Variants in CNBD1 observed in about 807,000 individuals in gnomAD.
CNBD1 encodes cyclic nucleotide-binding domain-containing protein 1.
CNBD1 carries 71 observed loss-of-function variants against 54.4 expected under a neutral mutation model. The ratio of observed to expected loss-of-function variants is 1.30; its 90% CI spans 1.08 to 1.59. The LOEUF (loss-of-function observed/expected upper bound fraction) is 1.59. CNBD1 is among the 40% of genes most tolerant of loss of function. CNBD1 has a pLI of 0.00. For missense variants in CNBD1, 659 were observed against 518.0 expected, an observed-to-expected ratio of 1.27 and a Z score of -2.64; for synonymous variants, 182 against 170.7, an observed-to-expected ratio of 1.07 and a Z score of -0.51.
intron 4 of CNBD1, among the ~76,000 whole-genome samples, chr8:86,988,952 TGACTGTTGTGAATA>T (rs1808674515): frequency 6.6e-6 from 1 of 152,132 alleles, no homozygotes; most frequent in Non-Finnish European, 1.5e-5. Flanking sequence ...TTCAAAATCT[TGACTGTTGTGAATA>T]GTGCTGCAAA....
At chr8:87,295,998 C>T (rs1371153725) in intron 8 of CNBD1, among the ~76,000 whole-genome samples, 1 of 152,010 alleles carries the variant, frequency 6.6e-6, no homozygotes, top group Non-Finnish European at 1.5e-5. Context: ...TTATTTATAA[C>T]CAAACTGTTA....
chr8:87,325,306 A>C (rs1394209366), intron 8 of CNBD1, among the ~76,000 whole-genome samples: 2 of 94,056 alleles, frequency 2.1e-5, no homozygotes, highest in East Asian at 4.3e-4. Context: ...AGTTCTGTAG[A>C]TGTCTATTAG....
At chr8:87,098,157 T>A (rs1257193038) in intron 4 of CNBD1, among the ~76,000 whole-genome samples, 1 of 152,212 alleles carries the variant, frequency 6.6e-6, no homozygotes, top group Non-Finnish European at 1.5e-5. Flanking sequence ...AGGCATATGA[T>A]GCTGGAAAGA....
intron 8 of CNBD1, among the ~76,000 whole-genome samples, chr8:87,307,126 A>G (rs34603952): frequency 0.014 from 2,130 of 152,304 alleles, 29 homozygotes; most frequent in Middle Eastern, 0.048. Context: ...AGATCTTTCT[A>G]ACAGATTCGT....
intron 3 of CNBD1, among the ~76,000 whole-genome samples, chr8:86,909,031 C>T (rs1809061608): frequency 1.3e-5 from 2 of 152,280 alleles, no homozygotes; most frequent in African/African-American, 4.8e-5. Flanking sequence ...GCTGGGATTA[C>T]AGGCGTGAGC....
At chr8:86,996,748 T>A (rs1808879086) in intron 4 of CNBD1, among the ~76,000 whole-genome samples, 1 of 152,216 alleles carries the variant, frequency 6.6e-6, no homozygotes, top group Non-Finnish European at 1.5e-5. Flanking sequence ...ATGTATTTAC[T>A]ACTTTAGCCC....
chr8:87,248,595 G>A (rs1462938102), intron 6 of CNBD1, among the ~76,000 whole-genome samples: 1 of 152,188 alleles, frequency 6.6e-6, no homozygotes, highest in Non-Finnish European at 1.5e-5. Flanking sequence ...TGGCTTCGTT[G>A]GATAGCCTGT....
chr8:87,340,171 G>A (rs547068978), intron 8 of CNBD1, among the ~76,000 whole-genome samples: 1 of 152,092 alleles, frequency 6.6e-6, no homozygotes, highest in African/African-American at 2.4e-5. Flanking sequence ...TTTGTTGATG[G>A]CACTTTTCTT....
chr8:87,265,198 C>T (rs955364975), intron 6 of CNBD1, among the ~76,000 whole-genome samples: 2 of 152,050 alleles, frequency 1.3e-5, no homozygotes, highest in South Asian at 2.1e-4. Flanking sequence ...GGAAGGGATC[C>T]AGTTTCAGCT....
intron 8 of CNBD1, among the ~76,000 whole-genome samples, chr8:87,319,830 C>T (rs1249178446): frequency 6.6e-6 from 1 of 151,908 alleles, no homozygotes. Context: ...TCATTTTATG[C>T]TTAGATAAGT....
intron 8 of CNBD1, among the ~76,000 whole-genome samples, chr8:87,304,660 T>G (rs960268180): frequency 6.6e-6 from 1 of 151,544 alleles, no homozygotes; most frequent in African/African-American, 2.4e-5. Flanking sequence ...TAAATAAAAA[T>G]CACATAATCA....
At chr8:86,969,875 AG>A (rs1267121114) in intron 4 of CNBD1, among the ~76,000 whole-genome samples, 11 of 151,798 alleles carry the variant, frequency 7.2e-5, no homozygotes, top group Admixed American at 2.0e-4. Flanking sequence ...CAATATCACT[AG>A]TACTTTAAAC....
intron 2 of CNBD1, among the ~76,000 whole-genome samples, chr8:86,899,039 C>T (rs1197604390): frequency 1.3e-5 from 2 of 151,986 alleles, no homozygotes; most frequent in African/African-American, 2.4e-5. Context: ...CATAGATGAA[C>T]CCAGAGGCCC....
intron 4 of CNBD1, among the ~76,000 whole-genome samples, chr8:87,194,659 T>C (rs1172843459): frequency 6.6e-6 from 1 of 152,200 alleles, no homozygotes; most frequent in Non-Finnish European, 1.5e-5. Context: ...CTAATGTTAA[T>C]ATGTGTATCT....
chr8:87,124,445 A>G (rs1027689196), intron 4 of CNBD1, among the ~76,000 whole-genome samples: 1 of 151,740 alleles, frequency 6.6e-6, no homozygotes, highest in East Asian at 1.9e-4. Flanking sequence ...GTGGAAATTA[A>G]TAATTACCAC....
chr8:87,411,254 A>G (rs1356319582), intron 2 of CNBD1, among the ~76,000 whole-genome samples: 1 of 151,644 alleles, frequency 6.6e-6, no homozygotes, highest in African/African-American at 2.4e-5. Context: ...CATATAGTTG[A>G]AGCTAAACAT....
chr8:87,413,856 A>G (rs1350659291), intron 2 of CNBD1, among the ~76,000 whole-genome samples: 1 of 151,106 alleles, frequency 6.6e-6, no homozygotes, highest in Non-Finnish European at 1.5e-5. Flanking sequence ...GGCAATCATT[A>G]AAAAGTCAGG....
intron 6 of CNBD1, among the ~76,000 whole-genome samples, chr8:87,258,269 A>G (rs1416274565): frequency 6.6e-6 from 1 of 152,066 alleles, no homozygotes; most frequent in East Asian, 1.9e-4. Flanking sequence ...TCATTTAGCC[A>G]AAATGATGAC....
intron 3 of CNBD1, among the ~76,000 whole-genome samples, chr8:86,935,130 G>A (rs913365248): frequency 2.0e-5 from 3 of 152,052 alleles, no homozygotes; most frequent in Non-Finnish European, 4.4e-5. Context: ...CCACCTCCTG[G>A]GTTCACACCA....
Sources: allele counts gnomAD v4.1 joint callset (sites outside exome capture counted in the v4.1 genomes callset), GRCh38; gene constraint gnomAD v4.1.1; transcripts MANE v1.5; gene names NCBI Gene and HGNC (gene_info 2026-07-23, HGNC 2026-07-21).